Variants in PDE1C observed in about 807,000 individuals in gnomAD.
The protein encoded by PDE1C is phosphodiesterase 1C.
A neutral mutation model predicts 93.1 loss-of-function variants in PDE1C; 62 were observed. The ratio of observed to expected loss-of-function variants is 0.67; its 90% CI spans 0.54 to 0.82. The LOEUF is 0.82. Among genes scored for constraint, PDE1C ranks in the 40% least tolerant of loss-of-function variants. PDE1C has a pLI of 0.00. For synonymous variants in PDE1C, 325 were observed against 310.1 expected (o/e 1.05, Z -0.50); for missense variants, 742 against 884.6 (o/e 0.84, Z 2.04).
At chr7:32,359,022 T>C (rs1310571741) in intron 1 of PDE1C, among the ~76,000 whole-genome samples, 3 of 152,160 alleles carry the variant, frequency 2.0e-5, no homozygotes, top group African/African-American at 7.2e-5. Context: ...CGAATCCTGC[T>C]AAAGTGGTTT....
chr7:31,658,384 C>CT, the PDE1C span: 3 of 1,505,032 alleles, frequency 2.0e-6, no homozygotes, highest in Non-Finnish European at 1.8e-6. Context: ...AGACTCTGGT[C>CT]TGTTGTAATT....
chr7:32,159,825 G>C (rs922456423), intron 3 of PDE1C, among the ~76,000 whole-genome samples: 1 of 152,188 alleles, frequency 6.6e-6, no homozygotes, highest in African/African-American at 2.4e-5. Flanking sequence ...GTGGCCAGTA[G>C]AGTTAGGTAA....
intron 16 of PDE1C, among the ~76,000 whole-genome samples, chr7:31,782,357 T>G (rs1783491576): frequency 6.6e-6 from 1 of 152,228 alleles, no homozygotes; most frequent in South Asian, 2.1e-4. Flanking sequence ...AATGATTAAT[T>G]GTTGGATGGG....
intron 3 of PDE1C, among the ~76,000 whole-genome samples, chr7:32,129,997 A>G (rs772450276): frequency 2.0e-5 from 3 of 152,130 alleles, no homozygotes; most frequent in Non-Finnish European, 4.4e-5. Context: ...TTACCTGGAA[A>G]CAATGTACCT....
chr7:31,660,967 CACTTAGA>C, the PDE1C span, among the ~76,000 whole-genome samples: 1 of 151,740 alleles, frequency 6.6e-6, no homozygotes, highest in South Asian at 2.1e-4. Context: ...ACAAATAAAA[CACTTAGA>C]AATAATGTTG....
At chr7:31,728,199 T>G in the PDE1C span, among the ~76,000 whole-genome samples, 6,342 of 152,332 alleles carry the variant, frequency 0.042, 184 homozygotes, top group Non-Finnish European at 0.065. Context: ...CTCAGGCCAC[T>G]GCGGACAAGG....
chr7:32,026,669 T>C (rs1401842232), intron 2 of PDE1C, among the ~76,000 whole-genome samples: 1 of 152,070 alleles, frequency 6.6e-6, no homozygotes, highest in Non-Finnish European at 1.5e-5. Context: ...GAATCATATA[T>C]TCCTTGGAAT....
At chr7:32,080,794 G>A (rs1238884831) in intron 3 of PDE1C, among the ~76,000 whole-genome samples, 1 of 152,120 alleles carries the variant, frequency 6.6e-6, no homozygotes, top group Non-Finnish European at 1.5e-5. Flanking sequence ...GAATATAAAA[G>A]AATAACATAT....
intron 17 of PDE1C, among the ~76,000 whole-genome samples, chr7:31,756,237 C>T (rs1253765975): frequency 6.6e-6 from 1 of 152,000 alleles, no homozygotes; most frequent in Admixed American, 6.6e-5. Context: ...AACACTTCTT[C>T]CAGGGGATCA....
chr7:32,344,687 A>AT (rs552629734), intron 1 of PDE1C, among the ~76,000 whole-genome samples: 11 of 150,582 alleles, frequency 7.3e-5, no homozygotes, highest in Admixed American at 3.3e-4. Context: ...AATCCCTGCT[A>AT]TTTTTTTTTC....
chr7:31,730,122 C>T, the PDE1C span, among the ~76,000 whole-genome samples: 4 of 152,048 alleles, frequency 2.6e-5, no homozygotes, highest in Admixed American at 2.0e-4. Context: ...TTCCCCTAGA[C>T]GTTAATTCAG....
intron 2 of PDE1C, among the ~76,000 whole-genome samples, chr7:31,946,987 G>A (rs924323831): frequency 1.3e-5 from 2 of 152,202 alleles, no homozygotes; most frequent in African/African-American, 4.8e-5. Flanking sequence ...GCTAGGAGTT[G>A]AGCTATATAA....
chr7:31,632,780 A>C, the PDE1C span, among the ~76,000 whole-genome samples: 1 of 152,226 alleles, frequency 6.6e-6, no homozygotes, highest in African/African-American at 2.4e-5. Flanking sequence ...GCATTAAGTA[A>C]GAGCCTATTC....
chr7:31,812,734 C>G (rs1349762108), intron 15 of PDE1C, among the ~76,000 whole-genome samples: 1 of 152,090 alleles, frequency 6.6e-6, no homozygotes, highest in Non-Finnish European at 1.5e-5. Flanking sequence ...ACTATCTTGT[C>G]CCTTATAGAA....
intron 1 of PDE1C, among the ~76,000 whole-genome samples, chr7:32,374,244 AG>A (rs1784387428): frequency 3.4e-4 from 47 of 137,218 alleles, no homozygotes; most frequent in African/African-American, 1.1e-3. Flanking sequence ...GAAAGAAGGA[AG>A]GAAAGGAAAG....
chr7:31,867,677 T>G (rs905598802), intron 6 of PDE1C, among the ~76,000 whole-genome samples: 12 of 152,172 alleles, frequency 7.9e-5, no homozygotes, highest in Admixed American at 2.0e-4. Flanking sequence ...CCCAATCCAC[T>G]TGGCCCACTG....
chr7:32,224,576 G>A (rs1458887267), intron 1 of PDE1C, among the ~76,000 whole-genome samples: 4 of 152,218 alleles, frequency 2.6e-5, no homozygotes, highest in Admixed American at 2.6e-4. Context: ...GAGCTGCTCA[G>A]TAAGAGGTAG....
intron 2 of PDE1C, among the ~76,000 whole-genome samples, chr7:31,908,045 T>A (rs1453928605): frequency 1.3e-5 from 2 of 152,138 alleles, no homozygotes; most frequent in Non-Finnish European, 2.9e-5. Context: ...AATGATTGAA[T>A]AATAGGACAA....
intron 3 of PDE1C, among the ~76,000 whole-genome samples, chr7:32,110,360 C>T (rs1798571363): frequency 6.6e-6 from 1 of 152,194 alleles, no homozygotes; most frequent in African/African-American, 2.4e-5. Flanking sequence ...TCTCATGAGA[C>T]TCATTCACTA....
Sources: gnomAD v4.1 joint callset for allele counts (sites outside exome capture counted in the v4.1 genomes callset) on GRCh38, gnomAD v4.1.1 for gene constraint, MANE v1.5 for transcripts, NCBI Gene and HGNC (gene_info 2026-07-23, HGNC 2026-07-21) for gene names.